MB21D2: variants seen among roughly 807,000 people sequenced by gnomAD.
MB21D2 encodes Mab-21 domain containing 2.
Under a neutral mutation model 33.3 loss-of-function variants are expected in MB21D2, and 9 were observed. The observed-to-expected ratio is 0.27, with a 90% CI of 0.16 to 0.47. The LOEUF is 0.47. Among genes scored for constraint, MB21D2 ranks in the 20% least tolerant of loss-of-function variants. The pLI is 0.99. For missense variants in MB21D2, 540 were observed against 624.6 expected (o/e 0.86, Z 1.44); for synonymous variants, 241 against 236.3 (o/e 1.02, Z -0.18).
chr3:192,845,312 G>A (rs1209582227), intron 1 of MB21D2, among the ~76,000 whole-genome samples: 1 of 152,220 alleles, frequency 6.6e-6, no homozygotes, highest in Non-Finnish European at 1.5e-5. Context: ...GAAGGACAAT[G>A]TACCATTCCT....
intron 1 of MB21D2, among the ~76,000 whole-genome samples, chr3:192,866,583 T>C (rs181501263): frequency 3.9e-5 from 6 of 152,330 alleles, no homozygotes; most frequent in African/African-American, 1.2e-4. Context: ...TATGTAGACA[T>C]GCACGTACAC....
chr3:192,828,198 C>A (rs964825533), intron 1 of MB21D2, among the ~76,000 whole-genome samples: 1 of 151,950 alleles, frequency 6.6e-6, no homozygotes, highest in Non-Finnish European at 1.5e-5. Context: ...ACTAATACGA[C>A]GTTCTTTGGA....
chr3:192,801,232 T>C (rs1711557851), intron 1 of MB21D2, among the ~76,000 whole-genome samples: 1 of 152,152 alleles, frequency 6.6e-6, no homozygotes, highest in Admixed American at 6.5e-5. Context: ...ATATACATTT[T>C]CCCTCCTTCA....
rs182397365 is a variant in MB21D2, at chr3:192,852,799, T to C, written c.212-53149A>G. Among the ~76,000 whole-genome samples, 25 of 140,112 alleles carry C rather than the reference T, an allele frequency of 1.8e-4. No individual in the cohort carries two copies. The East Asian group carries it at 2.1e-3, about 12-fold the overall frequency. The allele number at this position is 140,112 out of a possible 152,430, so 91.9% of individuals were successfully genotyped here. A position where few individuals can be genotyped will look rare whatever the true frequency, so the allele number is the denominator to read the frequency against. On this transcript the variant is annotated intron_variant, in intron 1 of 1. Coordinates refer to ENST00000392452, the MANE Select transcript of MB21D2 (RefSeq NM_178496.4). Reference sequence around the variant, plus strand: ...ACTTTCAGAATGAGCTCCCCACCACTGACCCCCACTTCCAGTCACTTTAAC... The same window carrying C: ...ACTTTCAGAATGAGCTCCCCACCACCGACCCCCACTTCCAGTCACTTTAAC...
At chr3:192,886,600 G>A (rs1159527345) in intron 1 of MB21D2, among the ~76,000 whole-genome samples, 1 of 152,020 alleles carries the variant, frequency 6.6e-6, no homozygotes, top group Non-Finnish European at 1.5e-5. Context: ...TGAAATACGA[G>A]TGTGTCACTC....
intron 1 of MB21D2, among the ~76,000 whole-genome samples, chr3:192,839,036 A>T (rs1341227977): frequency 6.6e-6 from 1 of 152,166 alleles, no homozygotes; most frequent in Non-Finnish European, 1.5e-5. Flanking sequence ...CTAAGTTACG[A>T]CCTTTTTCTT....
At chr3:192,826,360 A>G (rs1712173880) in intron 1 of MB21D2, among the ~76,000 whole-genome samples, 3 of 152,256 alleles carry the variant, frequency 2.0e-5, no homozygotes. Flanking sequence ...AAATTGAGTC[A>G]AGGCACGTGT....
intron 1 of MB21D2, among the ~76,000 whole-genome samples, chr3:192,806,419 A>G (rs1244357070): frequency 6.6e-6 from 1 of 152,024 alleles, no homozygotes; most frequent in African/African-American, 2.4e-5. Context: ...TATATTTTCA[A>G]TCTGTATTTG....
chr3:192,806,826 T>C (rs1255266491), intron 1 of MB21D2, among the ~76,000 whole-genome samples: 1 of 152,218 alleles, frequency 6.6e-6, no homozygotes, highest in East Asian at 1.9e-4. Context: ...CTGAAGGTCT[T>C]AAAAATTGGT....
chr3:192,844,001 T>C (rs1387878085), intron 1 of MB21D2, among the ~76,000 whole-genome samples: 1 of 152,142 alleles, frequency 6.6e-6, no homozygotes, highest in African/African-American at 2.4e-5. Context: ...ACTCCTCCTC[T>C]CCTACCATGC....
chr3:192,836,811 T>A (rs1712450084), intron 1 of MB21D2, among the ~76,000 whole-genome samples: 1 of 152,188 alleles, frequency 6.6e-6, no homozygotes, highest in South Asian at 2.1e-4. Context: ...AGGTTTCTCC[T>A]TGCTCTAAAG....
chr3:192,847,736 C>T (rs1027877423), intron 1 of MB21D2, among the ~76,000 whole-genome samples: 1 of 152,134 alleles, frequency 6.6e-6, no homozygotes, highest in Admixed American at 6.5e-5. Context: ...TATTAACTGG[C>T]TAAAACATCC....
chr3:192,836,314 C>T (rs867244721), intron 1 of MB21D2, among the ~76,000 whole-genome samples: 8 of 152,180 alleles, frequency 5.3e-5, no homozygotes, highest in African/African-American at 1.9e-4. Context: ...CACCCCAAGC[C>T]ATTGCGTCAC....
chr3:192,911,350 T>C (rs144018814), intron 1 of MB21D2, among the ~76,000 whole-genome samples: 1 of 152,310 alleles, frequency 6.6e-6, no homozygotes, highest in African/African-American at 2.4e-5. Context: ...TATGCCTTTT[T>C]GTCTCTGTCC....
intron 1 of MB21D2, among the ~76,000 whole-genome samples, chr3:192,854,007 C>T (rs2108630777): frequency 6.6e-6 from 1 of 152,328 alleles, no homozygotes; most frequent in East Asian, 1.9e-4. Context: ...CATGGGCTTC[C>T]CTATTCCTTG....
intron 1 of MB21D2, among the ~76,000 whole-genome samples, chr3:192,864,824 G>A (rs1713133439): frequency 6.6e-6 from 1 of 152,104 alleles, no homozygotes; most frequent in African/African-American, 2.4e-5. Flanking sequence ...CAATTTTTAA[G>A]AGTCATATTC....
intron 1 of MB21D2, among the ~76,000 whole-genome samples, chr3:192,849,316 T>TGG (rs66792694): frequency 0.023 from 2,105 of 91,994 alleles, 35 homozygotes; most frequent in African/African-American, 0.035. Flanking sequence ...TCTCTTTTTT[T>TGG]GGGGGGGGGG....
At chr3:192,800,132 C>T (rs1029897880) in intron 1 of MB21D2, among the ~76,000 whole-genome samples, 2 of 152,108 alleles carry the variant, frequency 1.3e-5, no homozygotes, top group African/African-American at 4.8e-5. Flanking sequence ...GTTTTCTTTC[C>T]CCAGGCTCTT....
Position 192,814,601 on chromosome 3 carries a change from A to G in MB21D2, c.212-14951T>C, listed in dbSNP as rs577616243. Among the ~76,000 whole-genome samples, 39 of 152,192 alleles carry G rather than the reference A, an allele frequency of 2.6e-4. 1 individual carries two copies. The highest frequency in any genetic ancestry group is 6.2e-4 in the South Asian group (3 of 4,824). ...GTCTTGGGCGGGCGCGGTGGCTCAC[A>G]CCTGTAATCCCAGCACTTTGGGAGG... On this transcript the variant is annotated intron_variant, in intron 1 of 1. Transcript: ENST00000392452.
Sources: allele counts gnomAD v4.1 joint callset (sites outside exome capture counted in the v4.1 genomes callset), GRCh38; gene constraint gnomAD v4.1.1; transcripts MANE v1.5; gene names NCBI Gene and HGNC (gene_info 2026-07-23, HGNC 2026-07-21).